The following FSIP2 variants were observed in gnomAD, a reference collection of about 807,000 sequenced individuals.
FSIP2 encodes fibrous sheath-interacting protein 2.
Under a neutral mutation model 510.5 loss-of-function variants are expected in FSIP2, and 367 were observed. That is an observed-to-expected ratio of 0.72 (90% CI 0.66 to 0.78). FSIP2 has a LOEUF of 0.78. Ranked by LOEUF, FSIP2 falls within the 30% of genes least tolerant of loss-of-function variation. FSIP2 has a pLI of 0.00. For missense variants in FSIP2, 7,594 were observed against 7,901.7 expected (o/e 0.96, Z 1.48); for synonymous variants, 2,601 against 2,732.2 (o/e 0.95, Z 1.50).
Position 185,805,781 on chromosome 2 carries a change from T to C in FSIP2, c.16475T>C (p.Leu5492Pro), listed in dbSNP as rs761303301. The change falls in exon 17 of 23, where the codon CTT (leucine) becomes CCT (proline). Residue 5492 changes from leucine (L) to proline (P), a missense_variant. Leu to Pro is a moderately conservative substitution (Grantham distance 98). Transcript: ENST00000424728. ...VKKGDIQNPVLSSINAIMKSG... is the reference protein window; with the variant it reads ...VKKGDIQNPVPSSINAIMKSG... Reference sequence around the variant, plus strand: ...AAAGGTGACATCCAAAATCCAGTACTTAGCTCTATAAATGCAATTATGAAA... The same window carrying C: ...AAAGGTGACATCCAAAATCCAGTACCTAGCTCTATAAATGCAATTATGAAA... 4.4e-6 allele frequency: 7 copies of C among 1,603,950 alleles called. No homozygotes were observed. Among genetic ancestry groups the C allele is most frequent in the Middle Eastern group, 3.3e-4 (2 of 6,010 alleles).
Position 185,807,921 on chromosome 2 carries a change from A to T in FSIP2, c.18615A>T (p.Leu6205=). The T allele has an allele frequency of 4.4e-6, 7 of 1,603,020 alleles. No homozygotes were observed. Among genetic ancestry groups the T allele is most frequent in the South Asian group, 1.1e-5 (1 of 88,806 alleles). The part of the protein sequence containing the change: ...PKVHKERTKS[L]ETDMQKITSK... ...TACATAAAGAAAGAACAAAATCTCTAGAGACTGATATGCAAAAAATAACTT... is the reference window on the plus strand; with the variant it reads ...TACATAAAGAAAGAACAAAATCTCTTGAGACTGATATGCAAAAAATAACTT... The change falls in exon 17 of 23, where the codon CTA becomes CTT. Residue 6205 remains leucine, a synonymous_variant. Transcript: ENST00000424728.
At chr2:185,739,922 GA>G (rs970450301) in intron 2 of FSIP2, among the ~76,000 whole-genome samples, 40 of 145,952 alleles carry the variant, frequency 2.7e-4, no homozygotes, top group South Asian at 1.3e-3. Context: ...TACACATAAA[GA>G]AAAAAAAAAG....
chr2:185,809,250 C>T (rs1574200642), intron 17 of FSIP2, 117 bp downstream of exon 17: 1 of 1,124,790 alleles, frequency 8.9e-7, no homozygotes, highest in Middle Eastern at 2.1e-4. Flanking sequence ...GTTTCTCAGC[C>T]CAATAGGAGA....
Position 185,806,290 on chromosome 2 carries a change from A to G in FSIP2, c.16984A>G (p.Thr5662Ala), listed in dbSNP as rs774761755. The G allele has an allele frequency of 4.7e-5, 76 of 1,608,736 alleles. No homozygotes were observed. Among genetic ancestry groups the G allele is most frequent in the Non-Finnish European group, 6.1e-5 (72 of 1,177,560 alleles). Residue 5662 changes from threonine to alanine, a missense_variant, in exon 17 of 23, where the codon ACA becomes GCA. Transcript: ENST00000424728. ...CAATGAGGGGAGAAGAGACTCTCCA[A>G]CACAAACGTGTAGGGATGAGGAACA... The part of the protein sequence containing the change: ...SSNEGRRDSP[T>A]QTCRDEEHHS...
chr2:185,747,283 C>T (rs1692052634), intron 6 of FSIP2, 30 bp from the exon 7 acceptor site: 6 of 1,232,500 alleles, frequency 4.9e-6, no homozygotes, highest in Admixed American at 4.0e-5. Flanking sequence ...AAGGCACACA[C>T]ACCAAGTGCA....
In FSIP2 at chr2:185,802,902, G is replaced by A. The variant is rs1328713255; in HGVS notation, c.13596G>A (p.Lys4532=). 7.3e-6 allele frequency: 11 copies of A among 1,497,746 alleles called. No individual in the cohort carries two copies. The Admixed American group carries it at 2.4e-4, about 32-fold the overall frequency. 92.8% of individuals were successfully genotyped at this position (1,497,746 alleles called of 1,614,324 possible). The change falls in exon 17 of 23, where the codon AAG becomes AAA. Residue 4532 remains lysine, a synonymous_variant. Coordinates refer to ENST00000424728, the MANE Select transcript of FSIP2 (RefSeq NM_173651.4). ...IRFSKEEEET[K]FIYSEDDIQH... The stretch of plus-strand genomic sequence containing the variant: ...TTTCAAAAGAGGAAGAAGAAACCAA[G>A]TTTATTTATTCAGAAGATGATATTC...
Position 185,806,612 on chromosome 2 carries a change from A to G in FSIP2, c.17306A>G (p.Asp5769Gly). 1 of 1,609,150 alleles carries G rather than the reference A, an allele frequency of 6.2e-7. No individual in the cohort carries two copies. The highest frequency in any genetic ancestry group is 8.5e-7 in the Non-Finnish European group (1 of 1,178,196). Residue 5769 changes from aspartate to glycine, a missense_variant, in exon 17 of 23, where the codon GAT becomes GGT. Transcript: ENST00000424728. ...EEIKSEPSKP[D>G]DPQNQRESKP... ...ATTAAAAGTGAACCCAGTAAACCAG[A>G]TGATCCTCAAAACCAACGAGAAAGT...
At position 185,808,477 on chromosome 2, in the gene FSIP2, G is replaced by A; in HGVS notation, c.19171G>A (p.Ala6391Thr). The change falls in exon 17 of 23, where the codon GCT becomes ACT. Residue 6391 changes from alanine to threonine, a missense_variant. By Grantham distance (58) the Ala-to-Thr change is moderately conservative. Coordinates refer to ENST00000424728, the MANE Select transcript of FSIP2 (RefSeq NM_173651.4). ...IASQLSKLVT[A>T]EISRSSISLI... Reference sequence around the variant, plus strand: ...ATCTCAACTGTCAAAATTGGTAACAGCTGAAATTTCCAGAAGTAGCATTAG... The same window carrying A: ...ATCTCAACTGTCAAAATTGGTAACAACTGAAATTTCCAGAAGTAGCATTAG... 1 of 1,607,712 alleles carries A rather than the reference G, an allele frequency of 6.2e-7. No homozygotes were observed. The highest frequency in any genetic ancestry group is 8.5e-7 in the Non-Finnish European group (1 of 1,177,926).
rs1216210290 is a variant in FSIP2, at chr2:185,795,879, A to G, written c.8743A>G (p.Met2915Val). The G allele has an allele frequency of 1.3e-6, 2 of 1,532,622 alleles. No individual in the cohort carries two copies. Among genetic ancestry groups the G allele is most frequent in the Non-Finnish European group, 1.7e-6 (2 of 1,145,488 alleles). The allele number at this position is 1,532,622 out of a possible 1,614,324, so 94.9% of individuals were successfully genotyped here. A position where few individuals can be genotyped will look rare whatever the true frequency, so the allele number is the denominator to read the frequency against. ...RAEDTKAQIN[M>V]FGREIVEMLL... is the part of the protein sequence containing the mutation. ...CGAGGATACTAAAGCACAAATTAAT[A>G]TGTTTGGAAGGGAAATTGTTGAAAT... is the stretch of plus-strand genomic sequence containing the variant. Residue 2915 changes from methionine to valine, a missense_variant, in exon 16 of 23, where the codon ATG (methionine) becomes GTG (valine). By Grantham distance (21) the Met-to-Val change is conservative (BLOSUM62 1). Coordinates refer to ENST00000424728, the MANE Select transcript of FSIP2 (RefSeq NM_173651.4).
chr2:185,814,445 G>A (rs1274173164), intron 18 of FSIP2, among the ~76,000 whole-genome samples: 5 of 152,018 alleles, frequency 3.3e-5, no homozygotes, highest in South Asian at 2.1e-4. Context: ...TAAGATCCAC[G>A]GAAATTCAGA....
chr2:185,798,028 A>T (rs1356216288), intron 16 of FSIP2, among the ~76,000 whole-genome samples: 1 of 151,898 alleles, frequency 6.6e-6, no homozygotes, highest in Non-Finnish European at 1.5e-5. Flanking sequence ...CAAAAAAATA[A>T]AAATAAATAA....
chr2:185,781,719 G>A (rs1314158526), intron 13 of FSIP2, among the ~76,000 whole-genome samples: 2 of 152,182 alleles, frequency 1.3e-5, no homozygotes, highest in African/African-American at 4.8e-5. Context: ...TGGCTTTAAT[G>A]CTCTATACTG....
At chr2:185,811,519 GTTGTTTGT>G (rs200741996) in intron 17 of FSIP2, among the ~76,000 whole-genome samples, 72 of 151,378 alleles carry the variant, frequency 4.8e-4, no homozygotes, top group African/African-American at 1.5e-3. Context: ...AAAAAAAAAG[GTTGTTTGT>G]TTGTTTGTTT....
intron 13 of FSIP2, among the ~76,000 whole-genome samples, chr2:185,771,874 A>T (rs1692614387): frequency 6.6e-6 from 1 of 152,108 alleles, no homozygotes; most frequent in Admixed American, 6.5e-5. Flanking sequence ...ATAAGTTCCA[A>T]CTTTAAGTCA....
At position 185,805,880 on chromosome 2, in the gene FSIP2, TG is replaced by T; in HGVS notation, c.16577del (p.Gly5526GlufsTer20). The T allele has an allele frequency of 6.2e-7, 1 of 1,608,914 alleles. No individual in the cohort carries two copies. On this transcript the variant is annotated frameshift_variant, in exon 17 of 23. Coordinates refer to ENST00000424728, the MANE Select transcript of FSIP2 (RefSeq NM_173651.4). LOFTEE classifies it high-confidence loss of function. ...AAAAAGGAAGTGGATGAAAATAAAG[TG>T]GGAATTTGTACTCAAAAACATAGTG... Reference protein sequence around the residue: ...TNKKEVDENKVGICTQKHSEN... With the variant: ...TNKKEVDENKXGICTQKHSEN...
chr2:185,799,588 G>T (rs1693374965), intron 16 of FSIP2, 109 bp from the exon 17 acceptor site: 1 of 473,506 alleles, frequency 2.1e-6, no homozygotes, highest in Admixed American at 4.1e-5. Context: ...TTTTTCTTTA[G>T]TGAGTTGCTC....
intron 21 of FSIP2, among the ~76,000 whole-genome samples, chr2:185,829,963 A>C (rs35430774): frequency 0.29 from 44,745 of 151,744 alleles, 6,837 homozygotes; most frequent in Middle Eastern, 0.38. Context: ...CTGAAGTTAC[A>C]TAGACAAAAG....
rs1265484619 is a variant in FSIP2, at chr2:185,795,973, C to CA, written c.8840dup (p.Asn2947LysfsTer3). 2 of 1,534,620 alleles carry CA rather than the reference C, an allele frequency of 1.3e-6. No homozygotes were observed. Among genetic ancestry groups the CA allele is most frequent in the African/African-American group, 2.7e-5 (2 of 72,894 alleles). On this transcript the variant is annotated frameshift_variant, in exon 16 of 23. Transcript: ENST00000424728. LOFTEE classifies it high-confidence loss of function. The stretch of plus-strand genomic sequence containing the variant: ...ACTCCAGATAGTGAAGAAACTCTAT[C>CA]AAACAGTAAAGAACACATTACTGCT...
In FSIP2 at chr2:185,802,429, A is replaced by C. The variant is rs568021284; in HGVS notation, c.13123A>C (p.Thr4375Pro). 1 of 1,533,912 alleles carries C rather than the reference A, an allele frequency of 6.5e-7. No homozygotes were observed. The highest frequency in any genetic ancestry group is 2.0e-5 in the Admixed American group (1 of 50,814). The change falls in exon 17 of 23, where the codon ACC becomes CCC. Residue 4375 changes from threonine (T) to proline (P), a missense_variant. Coordinates refer to ENST00000424728, the MANE Select transcript of FSIP2 (RefSeq NM_173651.4). ...FNTDIVDELA[T>P]SVYRNALKQH... ...TACAGATATTGTGGATGAACTTGCCACCTCAGTTTATAGAAATGCTTTAAA... is the reference window on the plus strand; with the variant it reads ...TACAGATATTGTGGATGAACTTGCCCCCTCAGTTTATAGAAATGCTTTAAA...
Sources: allele counts gnomAD v4.1 joint callset (sites outside exome capture counted in the v4.1 genomes callset), GRCh38; gene constraint gnomAD v4.1.1; transcripts MANE v1.5; gene names NCBI Gene and HGNC (gene_info 2026-07-23, HGNC 2026-07-21).